GGNBP2: variants seen among roughly 807,000 people sequenced by gnomAD.
GGNBP2 encodes gametogenetin-binding protein 2.
A neutral mutation model predicts 85.9 loss-of-function variants in GGNBP2; 10 were observed. The observed-to-expected ratio is 0.12, with a 90% CI of 0.07 to 0.20. GGNBP2 has a LOEUF of 0.20. Among genes scored for constraint, GGNBP2 ranks in the 10% least tolerant of loss-of-function variants. The pLI is 1.00. For synonymous variants in GGNBP2, 287 were observed against 285.7 expected (o/e 1.00, Z -0.05); for missense variants, 595 against 857.8 (o/e 0.69, Z 3.83).
intron 4 of GGNBP2, 21 bp from the exon 5 acceptor site, chr17:36,560,752 A>G: frequency 8.0e-7 from 1 of 1,248,678 alleles, no homozygotes. Context: ...TAAACCCTTA[A>G]TATGTTTTAT....
chr17:36,549,338 G>A (rs1031181014), intron 2 of GGNBP2, among the ~76,000 whole-genome samples: 22 of 152,140 alleles, frequency 1.4e-4, no homozygotes, highest in African/African-American at 5.3e-4. Flanking sequence ...GAGTAGCTGG[G>A]ATTACAAGTG....
chr17:36,581,294 A>G, intron 8 of GGNBP2, 50 bp from the exon 9 acceptor site: 1 of 1,290,828 alleles, frequency 7.7e-7, no homozygotes, highest in East Asian at 2.3e-5. Flanking sequence ...CAAAAAAAAA[A>G]GAAAAGAAGT....
chr17:36,548,673 G>A (rs935230968), intron 2 of GGNBP2, among the ~76,000 whole-genome samples: 1 of 139,852 alleles, frequency 7.2e-6, no homozygotes, highest in Non-Finnish European at 1.5e-5. Context: ...GCCCGGTGCT[G>A]TGGCTCATGC....
chr17:36,573,829 T>C (rs916000132), intron 6 of GGNBP2, among the ~76,000 whole-genome samples: 4 of 152,182 alleles, frequency 2.6e-5, no homozygotes, highest in African/African-American at 9.6e-5. Context: ...ATATAATCTT[T>C]GGAGAAATGT....
intron 6 of GGNBP2, among the ~76,000 whole-genome samples, chr17:36,574,193 A>C: frequency 6.6e-6 from 1 of 152,178 alleles, no homozygotes; most frequent in East Asian, 1.9e-4. Context: ...GTAAGATTAT[A>C]ATGGAGCATA....
intron 6 of GGNBP2, chr17:36,575,169 T>A (rs971376938): frequency 3.0e-6 from 2 of 656,314 alleles, no homozygotes; most frequent in Non-Finnish European, 5.5e-6. Flanking sequence ...ATCCACTCTT[T>A]ATCCTCGGCC....
chr17:36,578,713 T>G (rs906977936), intron 7 of GGNBP2: 1 of 154,992 alleles, frequency 6.5e-6, no homozygotes, highest in Non-Finnish European at 1.4e-5. Flanking sequence ...CAAATGCATT[T>G]CCTTTTGTAT....
At chr17:36,555,457 G>A (rs1008661874) in intron 3 of GGNBP2, among the ~76,000 whole-genome samples, 1 of 152,190 alleles carries the variant, frequency 6.6e-6, no homozygotes, top group Non-Finnish European at 1.5e-5. Flanking sequence ...ACTTTGGGAG[G>A]CCAGGGCAGG....
chr17:36,581,071 T>C (rs1342287168), intron 8 of GGNBP2, among the ~76,000 whole-genome samples: 1 of 151,528 alleles, frequency 6.6e-6, no homozygotes, highest in Admixed American at 6.6e-5. Context: ...GATCACGAGG[T>C]CAGGAGATCG....
Position 36,586,031 on chromosome 17 carries a change from G to A in GGNBP2, c.1493-19G>A, listed in dbSNP as rs770237647. The A allele has an allele frequency of 1.2e-5, 20 of 1,613,422 alleles. No individual in the cohort carries two copies. The highest frequency in any genetic ancestry group is 3.3e-4 in the Middle Eastern group (2 of 6,062). On this transcript the variant is annotated intron_variant, in intron 11 of 13. Coordinates refer to ENST00000613102, the MANE Select transcript of GGNBP2 (RefSeq NM_024835.5). Reference sequence around the variant, plus strand: ...GCTGACTTAAGAACATAAATAAGAAGGATTATTGATTTCTGCAGGTGATGA... The same window carrying A: ...GCTGACTTAAGAACATAAATAAGAAAGATTATTGATTTCTGCAGGTGATGA...
chr17:36,572,723 C>T (rs7223633), intron 6 of GGNBP2, among the ~76,000 whole-genome samples: 66,126 of 151,968 alleles, frequency 0.44, 14,641 homozygotes, highest in Middle Eastern at 0.48. Flanking sequence ...ATTTACCTTT[C>T]AAACAGTTTT....
intron 8 of GGNBP2, 79 bp downstream of exon 8, chr17:36,579,498 G>C: frequency 8.1e-7 from 1 of 1,228,910 alleles, no homozygotes; most frequent in Non-Finnish European, 1.2e-6. Flanking sequence ...AGCCACCAGT[G>C]CCTAAAAGGA....
Position 36,580,006 on chromosome 17 carries a change from G to A in GGNBP2, c.1020+587G>A, listed in dbSNP as rs112437482. Among the ~76,000 whole-genome samples, 135 of 151,622 alleles carry A rather than the reference G, an allele frequency of 8.9e-4. No homozygotes were observed. In the East Asian group the frequency reaches 0.024, roughly 27 times the overall value. Reference sequence around the variant, plus strand: ...GCCTGGGCAACAAGAACAAAACTCCGTCTCAAAACAAAAACAAAAACAAAA... The same window carrying A: ...GCCTGGGCAACAAGAACAAAACTCCATCTCAAAACAAAAACAAAAACAAAA... On this transcript the variant is annotated intron_variant, in intron 8 of 13. Transcript: ENST00000613102.
At position 36,589,146 on chromosome 17, in the gene GGNBP2, C is replaced by T. The variant is rs7210221; in HGVS notation, c.1891-62C>T. 1.1e-3 allele frequency: 1,323 copies of T among 1,191,046 alleles called. 10 individuals carry two copies. In the African/African-American group the frequency reaches 0.018, roughly 16 times the overall value. 73.8% of individuals were successfully genotyped at this position (1,191,046 alleles called of 1,614,324 possible). ...GACTGGTTTAATTTTTAGCTGTCCT[C>T]CTCCATTACATAACATTTTGCATTC... On this transcript the variant is annotated intron_variant, in intron 13 of 13. Transcript: ENST00000613102.
chr17:36,589,350 G>GGTT lies in GGNBP2; in HGVS notation c.2034_2036dup (p.Leu679dup), dbSNP rs1458836452. The GGTT allele has an allele frequency of 1.9e-6, 3 of 1,613,968 alleles. No homozygotes were observed. ...AAGGAGAAATTTAATAAATACTGCC[G>GGTT]GTTAAATGATCACAAGAGGCCCATT... On this transcript the variant is annotated inframe_insertion, in exon 14 of 14. Coordinates refer to ENST00000613102, the MANE Select transcript of GGNBP2 (RefSeq NM_024835.5).
chr17:36,565,623 C>T (rs1276420256), intron 5 of GGNBP2, among the ~76,000 whole-genome samples: 3 of 152,038 alleles, frequency 2.0e-5, no homozygotes, highest in South Asian at 2.1e-4. Context: ...AGGGGCTGGG[C>T]GGGGTGGCTC....
chr17:36,561,591 A>G (rs1037873924), intron 5 of GGNBP2, among the ~76,000 whole-genome samples: 1 of 152,112 alleles, frequency 6.6e-6, no homozygotes, highest in Non-Finnish European at 1.5e-5. Flanking sequence ...TATTATGACA[A>G]TATGTATTTA....
intron 6 of GGNBP2, among the ~76,000 whole-genome samples, chr17:36,568,441 C>T (rs562496869): frequency 3.9e-5 from 6 of 152,246 alleles, no homozygotes; most frequent in East Asian, 3.9e-4. Flanking sequence ...AGACTACAGG[C>T]GCATGCCACC....
At chr17:36,559,402 G>C (rs552190788) in intron 4 of GGNBP2, among the ~76,000 whole-genome samples, 162 of 151,492 alleles carry the variant, frequency 1.1e-3, no homozygotes, top group Non-Finnish European at 1.8e-3. Context: ...GGTGTGCTAA[G>C]TTTGAGATAG....
Sources: allele counts gnomAD v4.1 joint callset (sites outside exome capture counted in the v4.1 genomes callset), GRCh38; gene constraint gnomAD v4.1.1; transcripts MANE v1.5; gene names NCBI Gene and HGNC (gene_info 2026-07-23, HGNC 2026-07-21).